Variants in ST6GALNAC3 observed in about 807,000 individuals in gnomAD.
ST6GALNAC3 encodes the protein ST6 N-acetylgalactosaminide alpha-2,6-sialyltransferase 3, also known as alpha-N-acetylgalactosaminide alpha-2,6-sialyltransferase 3.
A neutral mutation model predicts 32.7 loss-of-function variants in ST6GALNAC3; 25 were observed. The observed-to-expected ratio is 0.76, with a 90% CI of 0.56 to 1.07. ST6GALNAC3 has a LOEUF of 1.07. ST6GALNAC3 is among the 50% of genes least tolerant of loss of function. ST6GALNAC3 has a pLI of 0.00. For missense variants in ST6GALNAC3, 355 were observed against 382.4 expected, an observed-to-expected ratio of 0.93 and a Z score of 0.60; for synonymous variants, 129 against 133.1, an observed-to-expected ratio of 0.97 and a Z score of 0.21.
chr1:76,260,690 G>C (rs1407407401), intron 1 of ST6GALNAC3, among the ~76,000 whole-genome samples: 1 of 152,068 alleles, frequency 6.6e-6, no homozygotes, highest in Non-Finnish European at 1.5e-5. Context: ...ATAGGGTCCA[G>C]TTTCTACTGA....
At chr1:76,108,311 T>C (rs1647677627) in intron 1 of ST6GALNAC3, among the ~76,000 whole-genome samples, 1 of 152,246 alleles carries the variant, frequency 6.6e-6, no homozygotes, top group Admixed American at 6.5e-5. Flanking sequence ...TATTGAAAGC[T>C]ACAGGCTCTT....
chr1:76,406,286 G>T (rs907490178), intron 2 of ST6GALNAC3, among the ~76,000 whole-genome samples: 3 of 151,994 alleles, frequency 2.0e-5, no homozygotes. Context: ...TTTGGGCAGT[G>T]GGGAGGTATT....
chr1:76,393,906 G>C (rs760122687), intron 2 of ST6GALNAC3, among the ~76,000 whole-genome samples: 9 of 152,106 alleles, frequency 5.9e-5, no homozygotes, highest in Non-Finnish European at 1.2e-4. Context: ...ACTTTACTAA[G>C]AATTGGAGAG....
At chr1:76,163,423 G>C (rs187000478) in intron 1 of ST6GALNAC3, among the ~76,000 whole-genome samples, 9 of 152,166 alleles carry the variant, frequency 5.9e-5, no homozygotes, top group African/African-American at 2.2e-4. Flanking sequence ...AGTGTTGGGA[G>C]GGTGTACACT....
rs555017128 is a variant in ST6GALNAC3, at chr1:76,313,806, G to A, written c.20G>A (p.Arg7Lys). The stretch of plus-strand genomic sequence containing the variant: ...TTTTGTTTTTTTAATGTTTTGTAGA[G>A]AAAGTCTGTGATTGCTGTGAGCTTC... MACILK[R>K]KSVIAVSFIA... Residue 7 changes from arginine to lysine, a missense_variant and splice_region_variant, in exon 2 of 5, where the codon AGA (arginine) becomes AAA (lysine). Coordinates refer to ENST00000328299, the MANE Select transcript of ST6GALNAC3 (RefSeq NM_152996.4). 48 of 1,612,716 alleles carry A rather than the reference G, an allele frequency of 3.0e-5. 2 individuals carry two copies. In the South Asian group the frequency reaches 4.7e-4, roughly 16 times the overall value.
In ST6GALNAC3 at chr1:76,262,214, C is replaced by T. The variant is rs116373748; in HGVS notation, c.19-51591C>T. Among the ~76,000 whole-genome samples, 289 of 152,288 alleles carry T rather than the reference C, an allele frequency of 1.9e-3. 1 individual carries two copies. The highest frequency in any genetic ancestry group is 6.7e-3 in the African/African-American group (279 of 41,560). On this transcript the variant is annotated intron_variant, in intron 1 of 4. Transcript: ENST00000328299. ...TCACAGTAATCCTGAGAGAAATATA[C>T]CCTCATTGTCTCCATATTCTATTTG...
intron 2 of ST6GALNAC3, among the ~76,000 whole-genome samples, chr1:76,332,544 G>T (rs903863737): frequency 2.0e-5 from 3 of 152,132 alleles, no homozygotes; most frequent in African/African-American, 4.8e-5. Context: ...AGGCCATGAT[G>T]AGTTAGGTTT....
In ST6GALNAC3 at chr1:76,411,990, T is replaced by C; in HGVS notation, c.214-18T>C. On this transcript the variant is annotated intron_variant, in intron 2 of 4. Coordinates refer to ENST00000328299, the MANE Select transcript of ST6GALNAC3 (RefSeq NM_152996.4). ...GTGGAATTTACTAATTTACATGCCTTCTTTCTCTATTTTTCAGCCTTTGCA... is the reference window on the plus strand; with the variant it reads ...GTGGAATTTACTAATTTACATGCCTCCTTTCTCTATTTTTCAGCCTTTGCA... 2 of 1,602,652 alleles carry C rather than the reference T, an allele frequency of 1.2e-6. No individual in the cohort carries two copies. The highest frequency in any genetic ancestry group is 1.7e-6 in the Non-Finnish European group (2 of 1,173,464).
chr1:76,105,194 C>A (rs892924348), intron 1 of ST6GALNAC3, among the ~76,000 whole-genome samples: 1 of 106,102 alleles, frequency 9.4e-6, no homozygotes, highest in Non-Finnish European at 1.9e-5. Flanking sequence ...TCAAATGCAA[C>A]TCTTATCAAG....
chr1:76,274,008 C>G (rs918422449), intron 1 of ST6GALNAC3, among the ~76,000 whole-genome samples: 5 of 152,018 alleles, frequency 3.3e-5, no homozygotes, highest in African/African-American at 1.2e-4. Context: ...ATACATAAAA[C>G]TAAAAGAGAG....
chr1:76,629,899 TC>T lies in ST6GALNAC3; in HGVS notation c.*1095del. 1.0e-6 allele frequency: 1 copy of T among 985,156 alleles called. No individual in the cohort carries two copies. The highest frequency in any genetic ancestry group is 1.2e-6 in the Non-Finnish European group (1 of 829,772). 61.0% of individuals were successfully genotyped at this position (985,156 alleles called of 1,614,324 possible). ...CTGTTACACATGGAGAGGAAATGAT[TC>T]CTTATATTAAACCTGACCAGAGCTT... On this transcript the variant is annotated 3_prime_UTR_variant, in exon 5 of 5. Transcript: ENST00000328299.
chr1:76,401,739 A>G (rs756563766), intron 2 of ST6GALNAC3, among the ~76,000 whole-genome samples: 2 of 152,212 alleles, frequency 1.3e-5, no homozygotes, highest in African/African-American at 4.8e-5. Flanking sequence ...CAACAAATTG[A>G]CATAAAATAG....
chr1:76,326,720 A>G (rs1370949616), intron 2 of ST6GALNAC3, among the ~76,000 whole-genome samples: 2 of 151,586 alleles, frequency 1.3e-5, no homozygotes, highest in African/African-American at 4.8e-5. Context: ...TCTTAAAATG[A>G]TATGTGTAAC....
intron 2 of ST6GALNAC3, among the ~76,000 whole-genome samples, chr1:76,392,253 A>G (rs141747057): frequency 1.3e-5 from 2 of 152,372 alleles, no homozygotes; most frequent in East Asian, 3.9e-4. Context: ...AAATCAGTAC[A>G]TTAAGTAGAG....
At chr1:76,503,145 G>A (rs575725166) in intron 3 of ST6GALNAC3, among the ~76,000 whole-genome samples, 2 of 152,138 alleles carry the variant, frequency 1.3e-5, no homozygotes, top group African/African-American at 4.8e-5. Context: ...GGGCAGAGAG[G>A]ATAACTGGCT....
intron 3 of ST6GALNAC3, among the ~76,000 whole-genome samples, chr1:76,560,587 C>T (rs1464992177): frequency 6.6e-6 from 1 of 152,138 alleles, no homozygotes; most frequent in Non-Finnish European, 1.5e-5. Context: ...AAGTAGTGCT[C>T]AACATCGCTG....
intron 1 of ST6GALNAC3, among the ~76,000 whole-genome samples, chr1:76,255,225 C>T (rs766379865): frequency 6.6e-6 from 1 of 152,156 alleles, no homozygotes; most frequent in Admixed American, 6.5e-5. Flanking sequence ...TGAATCCATC[C>T]CCCTCCCTTT....
rs149853628 is a variant in ST6GALNAC3, at chr1:76,590,588, T to C, written c.624-36864T>C. Among the ~76,000 whole-genome samples the C allele has an allele frequency of 5.4e-3, 821 of 152,352 alleles. 3 individuals are homozygous for C. Among genetic ancestry groups the C allele is most frequent in the Non-Finnish European group, 9.6e-3 (654 of 68,038 alleles). On this transcript the variant is annotated intron_variant, in intron 3 of 4. Transcript: ENST00000328299. The stretch of plus-strand genomic sequence containing the variant: ...AGAGAGCAAACAAAGACAAACTCTC[T>C]ATGGATGTACTCATTTTTTTAAACC...
chr1:76,378,508 A>G (rs1651422184), intron 2 of ST6GALNAC3, among the ~76,000 whole-genome samples: 1 of 152,006 alleles, frequency 6.6e-6, no homozygotes, highest in African/African-American at 2.4e-5. Flanking sequence ...ATAAATATAC[A>G]AAAATTAGCT....
Sources: gnomAD v4.1 joint callset for allele counts (sites outside exome capture counted in the v4.1 genomes callset) on GRCh38, gnomAD v4.1.1 for gene constraint, MANE v1.5 for transcripts, NCBI Gene and HGNC (gene_info 2026-07-23, HGNC 2026-07-21) for gene names.